The following SYNE2 variants were observed in gnomAD, a reference collection of about 807,000 sequenced individuals.
SYNE2 encodes the protein nesprin-2.
In SYNE2, 431 loss-of-function variants were observed where a neutral mutation model predicts 856.3. The ratio of observed to expected loss-of-function variants is 0.50; its 90% confidence interval spans 0.47 to 0.55. SYNE2 has a LOEUF of 0.55. Among genes scored for constraint, SYNE2 ranks in the 20% least tolerant of loss-of-function variants. The pLI is 0.00. For missense variants in SYNE2, 8,129 were observed against 8,023.2 expected, an observed-to-expected ratio of 1.01 and a Z score of -0.50; for synonymous variants, 2,923 against 2,872.3, an observed-to-expected ratio of 1.02 and a Z score of -0.56.
rs1887100531 is a variant in SYNE2, at chr14:63,776,216, CT to C, written c.-305+14232del. 1.3e-5 allele frequency among the ~76,000 whole-genome samples: 2 copies of C among 152,108 alleles called. 1 individual carries two copies. The highest frequency in any genetic ancestry group is 4.1e-4 in the South Asian group (2 of 4,824). ...AATCAGATAAATTATTGCATGAACC[CT>C]TAAGCAATGACAATCTTTTGCAAAT... On this transcript the variant is annotated intron_variant, in intron 1 of 23. Coordinates refer to the SYNE2 transcript ENST00000674003.
At chr14:63,803,510 G>T (rs916746084) in intron 1 of SYNE2, among the ~76,000 whole-genome samples, 1 of 152,216 alleles carries the variant, frequency 6.6e-6, no homozygotes, top group African/African-American at 2.4e-5. Context: ...TGGTCCGGGT[G>T]CTAAGTCCCT....
intron 70 of SYNE2, among the ~76,000 whole-genome samples, chr14:64,123,386 G>A (rs150647027): frequency 1.3e-3 from 194 of 152,320 alleles, no homozygotes; most frequent in African/African-American, 4.4e-3. Flanking sequence ...ACATTGCCTG[G>A]GCAAAGGTTA....
chr14:64,220,215 C>T (rs2098688124), intron 110 of SYNE2, among the ~76,000 whole-genome samples: 1 of 152,210 alleles, frequency 6.6e-6, no homozygotes, highest in East Asian at 1.9e-4. Flanking sequence ...GGTCTCCTCC[C>T]TCCAGCAGGC....
intron 29 of SYNE2, 23 bp downstream of exon 29, chr14:64,002,104 T>G: frequency 6.4e-7 from 1 of 1,564,562 alleles, no homozygotes; most frequent in Non-Finnish European, 8.8e-7. Flanking sequence ...GTTCTCACAG[T>G]GTATTTACAG....
intron 35 of SYNE2, 120 bp downstream of exon 35, chr14:64,020,213 C>T: frequency 1.4e-6 from 1 of 717,682 alleles, no homozygotes; most frequent in Non-Finnish European, 2.4e-6. Context: ...AAAAAACGGC[C>T]CAATTAAAGA....
chr14:63,926,853 T>C (rs1477562124), intron 2 of SYNE2, among the ~76,000 whole-genome samples: 1 of 152,214 alleles, frequency 6.6e-6, no homozygotes, highest in African/African-American at 2.4e-5. Flanking sequence ...CCCATGACTC[T>C]ATGAAAGCAA....
At chr14:64,030,205 A>G (rs1252127999) in intron 44 of SYNE2, 146 bp downstream of exon 44, 1 of 844,558 alleles carries the variant, frequency 1.2e-6, no homozygotes, top group African/African-American at 1.7e-5. Flanking sequence ...GTCATAATAA[A>G]TGAGAATGTC....
rs1387597060 is a variant in SYNE2 at position 64,220,629 on chromosome 14, C to A, written c.20053C>A (p.Gln6685Lys). The A allele has an allele frequency of 1.2e-6, 2 of 1,613,730 alleles. No individual in the cohort carries two copies. The highest frequency in any genetic ancestry group is 2.7e-5 in the African/African-American group (2 of 74,924). Residue 6685 changes from glutamine to lysine, a missense_variant, in exon 111 of 116, where the codon CAG becomes AAG. By Grantham distance (53) the Gln-to-Lys change is moderately conservative. This residue lies in a region of SYNE2 where 5,410 missense variants were observed against 5,284.8 expected (regional missense o/e 1.02). Coordinates refer to ENST00000555002, the MANE Select transcript of SYNE2 (RefSeq NM_182914.3). ...WRGGLRQSLM[Q>K]CQDFHQLSQN... ...AGGGGGCTTACGACAGTCGCTCATG[C>A]AGTGCCAGGTACGCTGACTCAGCAG...
intron 45 of SYNE2, among the ~76,000 whole-genome samples, chr14:64,036,681 C>T (rs558983672): frequency 1.8e-4 from 28 of 152,252 alleles, no homozygotes; most frequent in African/African-American, 6.7e-4. Flanking sequence ...ATAACCCACA[C>T]ATTAAAAAAA....
Position 64,074,067 on chromosome 14 carries a change from T to C in SYNE2, c.10797T>C (p.Phe3599=), listed in dbSNP as rs1177588216. Residue 3599 remains phenylalanine, a synonymous_variant, in exon 53 of 116, where the codon TTT becomes TTC. Coordinates refer to ENST00000555002, the MANE Select transcript of SYNE2 (RefSeq NM_182914.3). ...AGATAATTGCTTTGAAGAATTTCTT[T>C]CAACAGACCACAACTTCATTCCAAA... ...TKEIIALKNF[F]QQTTTSFQNM... The C allele has an allele frequency of 6.2e-7, 1 of 1,614,112 alleles. No homozygotes were observed. The highest frequency in any genetic ancestry group is 2.2e-5 in the East Asian group (1 of 44,898).
At chr14:63,977,245 C>T (rs1440839046) in intron 12 of SYNE2, among the ~76,000 whole-genome samples, 2 of 152,006 alleles carry the variant, frequency 1.3e-5, no homozygotes, top group African/African-American at 4.8e-5. Flanking sequence ...CAGAGTCTTG[C>T]TCTGTCGTCC....
intron 60 of SYNE2, 75 bp downstream of exon 60, chr14:64,091,123 A>G: frequency 7.7e-7 from 1 of 1,306,994 alleles, no homozygotes; most frequent in Admixed American, 1.8e-5. Context: ...TTCACTTCTA[A>G]TTGAAATTCA....
Position 64,024,896 on chromosome 14 carries a change from T to G in SYNE2, c.5841-16T>G, listed in dbSNP as rs1267384280. On this transcript the variant is annotated splice_polypyrimidine_tract_variant and intron_variant, in intron 39 of 115. Coordinates refer to ENST00000555002, the MANE Select transcript of SYNE2 (RefSeq NM_182914.3). ...TTTGCTTATTTTGTATTTAAACATG[T>G]GTAATGCTCTTTTAGACTCCAGGAT... 1.2e-6 allele frequency: 2 copies of G among 1,613,502 alleles called. No homozygotes were observed. Among genetic ancestry groups the G allele is most frequent in the African/African-American group, 2.7e-5 (2 of 74,904 alleles).
chr14:63,836,442 G>T (rs1470520410), intron 1 of SYNE2, among the ~76,000 whole-genome samples: 1 of 151,944 alleles, frequency 6.6e-6, no homozygotes, highest in Non-Finnish European at 1.5e-5. Context: ...ATAAACATTG[G>T]GGTCACTGAC....
Position 63,924,832 on chromosome 14 carries a change from GTGTTTTTTTT to G in SYNE2, c.79+15607_79+15616del, listed in dbSNP as rs1330742786. Among the ~76,000 whole-genome samples, 60 of 92,856 alleles carry G rather than the reference GTGTTTTTTTT, an allele frequency of 6.5e-4. 2 individuals are homozygous for G. Among genetic ancestry groups the G allele is most frequent in the African/African-American group, 1.9e-3 (43 of 22,194 alleles). The allele number at this position is 92,856 out of a possible 152,430, so 60.9% of individuals were successfully genotyped here. On this transcript the variant is annotated intron_variant, in intron 2 of 115. Coordinates refer to ENST00000555002, the MANE Select transcript of SYNE2 (RefSeq NM_182914.3). Reference sequence around the variant, plus strand: ...TTTAACTTTTTTCCTTCCAGCCTTGGTGTTTTTTTTTTTTTTTTTTTTTTTTTTTTTGCCT... The same window carrying G: ...TTTAACTTTTTTCCTTCCAGCCTTGGTTTTTTTTTTTTTTTTTTTTTGCCT...
At chr14:64,006,333 A>T (rs2096795388) in intron 30 of SYNE2, among the ~76,000 whole-genome samples, 1 of 150,064 alleles carries the variant, frequency 6.7e-6, no homozygotes, top group Admixed American at 6.7e-5. Flanking sequence ...CCTCCTTAGG[A>T]TCCTGCAGTT....
intron 55 of SYNE2, among the ~76,000 whole-genome samples, chr14:64,079,643 C>G (rs1233920018): frequency 6.6e-6 from 1 of 152,186 alleles, no homozygotes; most frequent in Non-Finnish European, 1.5e-5. Context: ...AAAGCAGTTG[C>G]TCCTAATACA....
intron 1 of SYNE2, among the ~76,000 whole-genome samples, chr14:63,777,742 C>CACTG (rs1290160714): frequency 6.6e-6 from 1 of 152,104 alleles, no homozygotes; most frequent in Non-Finnish European, 1.5e-5. Flanking sequence ...AATCATAGCT[C>CACTG]ACTGTAACCC....
At chr14:64,119,825 G>A (rs1261299832) in intron 67 of SYNE2, among the ~76,000 whole-genome samples, 2 of 152,120 alleles carry the variant, frequency 1.3e-5, no homozygotes, top group African/African-American at 2.4e-5. Context: ...GTTGGTGATG[G>A]CGGTGGTTTG....
Sources: allele counts gnomAD v4.1 joint callset (sites outside exome capture counted in the v4.1 genomes callset), GRCh38; gene constraint gnomAD v4.1.1; regional missense constraint gnomAD v4.1.1; transcripts MANE v1.5; gene names NCBI Gene and HGNC (gene_info 2026-07-23, HGNC 2026-07-21).